ZDHHC15: variants seen among roughly 807,000 people sequenced by gnomAD.
ZDHHC15 encodes palmitoyltransferase ZDHHC15.
A neutral mutation model predicts 31.7 loss-of-function variants in ZDHHC15; 19 were observed. That is an observed-to-expected ratio of 0.60 (90% CI 0.42 to 0.88). The LOEUF (loss-of-function observed/expected upper bound fraction) is 0.88, where lower values mean the gene tolerates loss of function less well. Ranked by LOEUF, ZDHHC15 falls within the 40% of genes least tolerant of loss-of-function variation. ZDHHC15 has a pLI of 0.00. For synonymous variants in ZDHHC15, 103 were observed against 90.0 expected, an observed-to-expected ratio of 1.14 and a Z score of -0.82; for missense variants, 209 against 251.2, an observed-to-expected ratio of 0.83 and a Z score of 1.14.
intron 1 of ZDHHC15, among the ~76,000 whole-genome samples, chrX:75,522,525 A>G (rs2085456974): frequency 9.0e-6 from 1 of 111,554 alleles, no homozygotes; most frequent in Non-Finnish European, 1.9e-5. Flanking sequence ...CAGTTTAAAG[A>G]CACAGGGTAT....
At chrX:75,454,451 T>C (rs2084181050) in intron 3 of ZDHHC15, among the ~76,000 whole-genome samples, 1 of 112,022 alleles carries the variant, frequency 8.9e-6, no homozygotes, top group South Asian at 3.7e-4. Flanking sequence ...ATATGCCAAG[T>C]AATGGGATGG....
In ZDHHC15 at chrX:75,379,196, A is replaced by G. The variant is rs1160484288; in HGVS notation, c.970T>C (p.Tyr324His). The G allele has an allele frequency of 8.3e-7, 1 of 1,211,099 alleles. No homozygotes were observed. Residue 324 changes from tyrosine to histidine, a missense_variant and splice_region_variant, in exon 11 of 12, where the codon TAT becomes CAT. Physicochemically the swap from Tyr to His is moderately conservative, Grantham distance 83. Coordinates refer to ENST00000373367, the MANE Select transcript of ZDHHC15 (RefSeq NM_144969.3). The stretch of plus-strand genomic sequence containing the variant: ...GCAAGAGATGATGAGCCTTCTGGAT[A>G]ATCTGCAAGGTTGAAACGTGAAGAT... Reference protein sequence around the residue: ...WEDNEDDNQDYPEGSSSLAVE... With the variant: ...WEDNEDDNQDHPEGSSSLAVE...
chrX:75,486,098 A>T (rs757220803), intron 2 of ZDHHC15, among the ~76,000 whole-genome samples: 1 of 112,536 alleles, frequency 8.9e-6, no homozygotes, highest in African/African-American at 3.2e-5. Context: ...GCCATGAGAC[A>T]GCTGAAAAAC....
chrX:75,493,720 C>A (rs773536940), intron 2 of ZDHHC15, among the ~76,000 whole-genome samples: 4 of 112,043 alleles, frequency 3.6e-5, no homozygotes, highest in Admixed American at 2.8e-4. Flanking sequence ...AGTCCTTTGA[C>A]AAAATTCAAC....
intron 3 of ZDHHC15, among the ~76,000 whole-genome samples, chrX:75,454,569 A>G (rs904501685): frequency 2.7e-5 from 3 of 111,174 alleles, no homozygotes; most frequent in Non-Finnish European, 3.8e-5. Context: ...AAGCATTCCT[A>G]TTTCTCCACA....
At chrX:75,515,354 A>T (rs1184136449) in intron 1 of ZDHHC15, among the ~76,000 whole-genome samples, 1 of 111,638 alleles carries the variant, frequency 9.0e-6, no homozygotes, top group Non-Finnish European at 1.9e-5. Context: ...GGCAAACCGA[A>T]TCCAGAAGCA....
chrX:75,470,326 C>A (rs2084484257), intron 3 of ZDHHC15, among the ~76,000 whole-genome samples: 1 of 111,790 alleles, frequency 8.9e-6, no homozygotes, highest in African/African-American at 3.2e-5. Flanking sequence ...GCTTTCCTTG[C>A]TCCTCAGCTT....
chrX:75,400,908 A>G (rs1168930947), intron 10 of ZDHHC15, among the ~76,000 whole-genome samples: 1 of 112,012 alleles, frequency 8.9e-6, no homozygotes, highest in Non-Finnish European at 1.9e-5. Flanking sequence ...GAGAAATAAG[A>G]TCCTTTTCAG....
intron 4 of ZDHHC15, among the ~76,000 whole-genome samples, chrX:75,444,675 T>G (rs866917421): frequency 2.4e-5 from 1 of 40,870 alleles, no homozygotes; most frequent in Non-Finnish European, 5.5e-5. Flanking sequence ...TATATATATA[T>G]ATATATATAT....
intron 10 of ZDHHC15, among the ~76,000 whole-genome samples, chrX:75,392,772 C>G (rs886837407): frequency 9.0e-6 from 1 of 111,695 alleles, no homozygotes; most frequent in African/African-American, 3.3e-5. Context: ...TGTATATAGG[C>G]ATAAACATTT....
chrX:75,407,220 C>T (rs1388236033), intron 10 of ZDHHC15, among the ~76,000 whole-genome samples: 1 of 111,564 alleles, frequency 9.0e-6, no homozygotes, highest in East Asian at 2.9e-4. Flanking sequence ...TGCCCGACCG[C>T]CACCCCATCT....
intron 10 of ZDHHC15, among the ~76,000 whole-genome samples, chrX:75,410,841 A>C (rs2083477274): frequency 8.9e-6 from 1 of 112,306 alleles, no homozygotes. Context: ...ACCAACTTAA[A>C]TGTTCCTCAG....
chrX:75,476,251 A>C (rs774327935), intron 3 of ZDHHC15, among the ~76,000 whole-genome samples: 1 of 103,736 alleles, frequency 9.6e-6, no homozygotes. Context: ...AATGTTTCTT[A>C]TTTTTTTTTT....
intron 8 of ZDHHC15, 89 bp from the exon 9 acceptor site, chrX:75,422,079 G>T: frequency 9.5e-7 from 1 of 1,047,182 alleles, no homozygotes; most frequent in Non-Finnish European, 1.3e-6. Context: ...ATTTCTCCAT[G>T]TATGTGACTT....
At chrX:75,457,627 T>C (rs1485419221) in intron 3 of ZDHHC15, among the ~76,000 whole-genome samples, 1 of 103,117 alleles carries the variant, frequency 9.7e-6, no homozygotes, top group Non-Finnish European at 2.0e-5. Context: ...TGAGCATGTA[T>C]TAAAGTTTTA....
chrX:75,417,207 G>C lies in ZDHHC15; in HGVS notation c.864-17C>G. The C allele has an allele frequency of 9.0e-7, 1 of 1,112,671 alleles. No homozygotes were observed. The highest frequency in any genetic ancestry group is 1.2e-6 in the Non-Finnish European group (1 of 811,258). 91.7% of individuals were successfully genotyped at this position (1,112,671 alleles called of 1,213,427 possible). On this transcript the variant is annotated splice_polypyrimidine_tract_variant and intron_variant, in intron 9 of 11. Transcript: ENST00000373367. ...TCACCAGGGCTGATGGGAAAAGAAA[G>C]GCAGTGACCTATTGCAGCTGACATA...
chrX:75,522,850 A>G (rs2085461783), intron 1 of ZDHHC15, 39 bp downstream of exon 1: 1 of 1,207,710 alleles, frequency 8.3e-7, no homozygotes, highest in African/African-American at 1.7e-5. Flanking sequence ...ATTATATTGG[A>G]GTATAATTTC....
chrX:75,435,239 T>C (rs1252395071), intron 4 of ZDHHC15, among the ~76,000 whole-genome samples: 2 of 111,810 alleles, frequency 1.8e-5, no homozygotes, highest in African/African-American at 6.5e-5. Flanking sequence ...AGGAGCTTTT[T>C]GGAAGAGTCT....
At chrX:75,406,634 T>C (rs1190020002) in intron 10 of ZDHHC15, among the ~76,000 whole-genome samples, 1 of 107,864 alleles carries the variant, frequency 9.3e-6, no homozygotes, top group Admixed American at 9.9e-5. Context: ...CCTACCAAGG[T>C]TGAACCATGA....
Sources: allele counts gnomAD v4.1 joint callset (sites outside exome capture counted in the v4.1 genomes callset), GRCh38; gene constraint gnomAD v4.1.1; transcripts MANE v1.5; gene names NCBI Gene and HGNC (gene_info 2026-07-23, HGNC 2026-07-21).